Variants in DNAH10 observed in about 807,000 individuals in gnomAD.
The protein encoded by DNAH10 is axonemal beta dynein heavy chain 10.
In DNAH10, 348 loss-of-function variants were observed where a neutral mutation model predicts 506.6. That is an observed-to-expected ratio of 0.69 (90% CI 0.63 to 0.75). The LOEUF is 0.75. Ranked by LOEUF, DNAH10 falls within the 30% of genes least tolerant of loss-of-function variation. DNAH10 has a pLI of 0.00. For synonymous variants in DNAH10, 2,059 were observed against 2,198.6 expected (o/e 0.94, Z 1.78); for missense variants, 5,179 against 5,787.1 (o/e 0.89, Z 3.41).
chr12:123,896,513 A>G (rs1953252270), intron 54 of DNAH10, among the ~76,000 whole-genome samples: 1 of 152,160 alleles, frequency 6.6e-6, no homozygotes, highest in African/African-American at 2.4e-5. Context: ...CTTTGCCGAT[A>G]TGTGCTGGGT....
chr12:123,813,903 T>C lies in DNAH10; in HGVS notation c.3771T>C (p.Tyr1257=). ...VQERYRTMAM[Y]NLFPPDAEKE... Reference sequence around the variant, plus strand: ...AGCGATACCGTACCATGGCAATGTATAACCTCTTTGTAAGTCAACTTGTAT... The same window carrying C: ...AGCGATACCGTACCATGGCAATGTACAACCTCTTTGTAAGTCAACTTGTAT... Residue 1257 remains tyrosine, a synonymous_variant, in exon 21 of 79, where the codon TAT becomes TAC. Transcript: ENST00000673944. The C allele has an allele frequency of 6.3e-7, 1 of 1,583,610 alleles. No individual in the cohort carries two copies. Among genetic ancestry groups the C allele is most frequent in the Non-Finnish European group, 8.5e-7 (1 of 1,171,418 alleles).
rs1955069017 is a variant in DNAH10 at position 123,928,870 on chromosome 12, A to AG, written c.12306+283_12306+284insG. 4.8e-6 allele frequency: 2 copies of AG among 418,366 alleles called. No homozygotes were observed. The highest frequency in any genetic ancestry group is 4.1e-6 in the Non-Finnish European group (1 of 242,294). The allele number at this position is 418,366 out of a possible 1,614,324, so 25.9% of individuals were successfully genotyped here. On this transcript the variant is annotated intron_variant, in intron 70 of 78. Coordinates refer to ENST00000673944, the MANE Select transcript of DNAH10 (RefSeq NM_001372106.1). The surrounding 1 kb of genome is among the most constrained non-coding windows in gnomAD (Gnocchi z 4.9). Reference sequence around the variant, plus strand: ...TAAACTTCACGGCCCCCCCCCCCACACACAGCCTGCAGTTCGCTAGTGCTG... The same window carrying AG: ...TAAACTTCACGGCCCCCCCCCCCACAGCACAGCCTGCAGTTCGCTAGTGCTG...
In DNAH10 at chr12:123,917,254, G is replaced by A. The variant is rs1038110555; in HGVS notation, c.11003-330G>A. On this transcript the variant is annotated intron_variant, in intron 63 of 78. Coordinates refer to ENST00000673944, the MANE Select transcript of DNAH10 (RefSeq NM_001372106.1). This position sits in a 1 kb window ranked among gnomAD's most constrained non-coding sequence, Gnocchi z 5.6. ...ACTTCTGGGCTCAAGTGATCCTCCT[G>A]CCTCTGCCTCCCAAAGTGCTGGGAT... Among the ~76,000 whole-genome samples the A allele has an allele frequency of 6.6e-6, 1 of 152,064 alleles. No individual in the cohort carries two copies. The highest frequency in any genetic ancestry group is 1.5e-5 in the Non-Finnish European group (1 of 68,034).
At chr12:123,766,887 T>G (rs1957065702) in intron 1 of DNAH10, among the ~76,000 whole-genome samples, 1 of 149,668 alleles carries the variant, frequency 6.7e-6, no homozygotes, top group Non-Finnish European at 1.5e-5. Context: ...CCCTTCAGTT[T>G]TTTCTTTTCT....
intron 65 of DNAH10, among the ~76,000 whole-genome samples, chr12:123,921,126 C>T (rs1266828268): frequency 2.0e-5 from 3 of 152,098 alleles, no homozygotes; most frequent in Non-Finnish European, 2.9e-5. Context: ...GGTTGTTTCC[C>T]GTCGTCTGAA....
chr12:123,886,478 C>T (rs985624941), intron 51 of DNAH10, among the ~76,000 whole-genome samples: 2 of 136,228 alleles, frequency 1.5e-5, no homozygotes, highest in Non-Finnish European at 3.3e-5. Flanking sequence ...TGCGCGCGCG[C>T]GCGTGTGTGT....
At chr12:123,779,131 C>T (rs182664832) in intron 5 of DNAH10, among the ~76,000 whole-genome samples, 67 of 152,224 alleles carry the variant, frequency 4.4e-4, no homozygotes, top group African/African-American at 1.5e-3. Context: ...TCTCGATCTC[C>T]TGACCTCGCG....
intron 57 of DNAH10, among the ~76,000 whole-genome samples, chr12:123,906,411 T>G (rs1196163868): frequency 6.6e-6 from 1 of 151,904 alleles, no homozygotes; most frequent in African/African-American, 2.4e-5. Flanking sequence ...CCGGCTAATG[T>G]TTGTATTTTT....
At chr12:123,794,432 C>A (rs1958199761) in intron 12 of DNAH10, among the ~76,000 whole-genome samples, 1 of 152,148 alleles carries the variant, frequency 6.6e-6, no homozygotes, top group Non-Finnish European at 1.5e-5. Context: ...TAACTCAGAA[C>A]AATTTATCTG....
Position 123,875,507 on chromosome 12 carries a change from C to A in DNAH10, c.8199+16C>A, listed in dbSNP as rs1252786310. On this transcript the variant is annotated intron_variant, in intron 47 of 78. Transcript: ENST00000673944. ...CCACACCTCGGTAACTTGATTTTAA[C>A]TAGAAGTCTAAACCGGAAGACCTTG... 9.9e-6 allele frequency: 16 copies of A among 1,612,632 alleles called. No individual in the cohort carries two copies. Among genetic ancestry groups the A allele is most frequent in the Non-Finnish European group, 1.3e-5 (15 of 1,178,938 alleles).
At chr12:123,874,260 C>T (rs973286597) in intron 46 of DNAH10, among the ~76,000 whole-genome samples, 32 of 125,114 alleles carry the variant, frequency 2.6e-4, no homozygotes, top group Middle Eastern at 3.9e-3. Flanking sequence ...AGCCAGAGTC[C>T]GTCCGTCCAT....
intron 57 of DNAH10, chr12:123,908,351 G>A: frequency 2.2e-6 from 1 of 455,962 alleles, no homozygotes; most frequent in South Asian, 1.5e-5. Flanking sequence ...TCCTACCAGA[G>A]CACAAATGCC....
intron 9 of DNAH10, among the ~76,000 whole-genome samples, chr12:123,786,671 A>ATT (rs1957865121): frequency 6.7e-6 from 1 of 150,092 alleles, no homozygotes; most frequent in African/African-American, 2.5e-5. Context: ...AGATACATAT[A>ATT]TGTGTGTGTG....
Position 123,850,200 on chromosome 12 carries a change from C to A in DNAH10, c.6103-688C>A, listed in dbSNP as rs1317228002. Among the ~76,000 whole-genome samples the A allele has an allele frequency of 1.3e-5, 2 of 151,758 alleles. No individual in the cohort carries two copies. The highest frequency in any genetic ancestry group is 4.9e-5 in the African/African-American group (2 of 41,224). ...CCTAACAACAAAAATTTTCTGTCCT[C>A]TGCCTGGCTGGTGGACAATCAAAAA... On this transcript the variant is annotated intron_variant, in intron 34 of 78. Coordinates refer to ENST00000673944, the MANE Select transcript of DNAH10 (RefSeq NM_001372106.1). This position sits in a 1 kb window ranked among gnomAD's most constrained non-coding sequence, Gnocchi z 5.5.
intron 21 of DNAH10, among the ~76,000 whole-genome samples, chr12:123,814,684 G>T (rs546697722): frequency 1.4e-5 from 2 of 143,804 alleles, no homozygotes; most frequent in African/African-American, 5.3e-5. Context: ...GCATGATCTC[G>T]GCTCACTGCA....
chr12:123,787,668 C>A lies in DNAH10; in HGVS notation c.1422-136C>A. 1 of 1,053,732 alleles carries A rather than the reference C, an allele frequency of 9.5e-7. No homozygotes were observed. Among genetic ancestry groups the A allele is most frequent in the Non-Finnish European group, 1.4e-6 (1 of 723,806 alleles). 65.3% of individuals were successfully genotyped at this position (1,053,732 alleles called of 1,614,324 possible). A position where few individuals can be genotyped will look rare whatever the true frequency, so the allele number is the denominator to read the frequency against. Reference sequence around the variant, plus strand: ...CAGGGCAGCCGCTTGCCCGCTCTGCCTTTTCCGATGAGGCCGTGAAACCAG... The same window carrying A: ...CAGGGCAGCCGCTTGCCCGCTCTGCATTTTCCGATGAGGCCGTGAAACCAG... On this transcript the variant is annotated intron_variant, in intron 9 of 78. Coordinates refer to ENST00000673944, the MANE Select transcript of DNAH10 (RefSeq NM_001372106.1). The surrounding 1 kb of genome is among the most constrained non-coding windows in gnomAD (Gnocchi z 4.6).
At chr12:123,800,413 A>G in intron 15 of DNAH10, 25 bp downstream of exon 15, 1 of 1,605,762 alleles carries the variant, frequency 6.2e-7, no homozygotes, top group Non-Finnish European at 8.5e-7. Flanking sequence ...CTTTTAAATT[A>G]GCAGTAAGCT....
Position 123,877,786 on chromosome 12 carries a change from G to T in DNAH10, c.8250G>T (p.Thr2750=), listed in dbSNP as rs538616792. The change falls in exon 48 of 79, where the codon ACG becomes ACT. Residue 2750 remains threonine, a synonymous_variant. Coordinates refer to ENST00000673944, the MANE Select transcript of DNAH10 (RefSeq NM_001372106.1). Reference sequence around the variant, plus strand: ...TGAGTGGCAAGCTGACATTCTGCACGCTAGCACTTTACAAAAATATTGTGC... The same window carrying T: ...TGAGTGGCAAGCTGACATTCTGCACTCTAGCACTTTACAAAAATATTGTGC... ...VAVSGKLTFC[T]LALYKNIVQD... is the part of the protein sequence containing the mutation. The T allele has an allele frequency of 3.7e-6, 6 of 1,613,882 alleles. No homozygotes were observed. In the African/African-American group the frequency reaches 5.3e-5, roughly 14 times the overall value.
At chr12:123,819,779 A>G (rs1046067315) in intron 23 of DNAH10, among the ~76,000 whole-genome samples, 19 of 140,258 alleles carry the variant, frequency 1.4e-4, no homozygotes, top group African/African-American at 4.9e-4. Flanking sequence ...ATCTCAGCTC[A>G]CCGCAACCTC....
Sources: gnomAD v4.1 joint callset for allele counts (sites outside exome capture counted in the v4.1 genomes callset) on GRCh38, gnomAD v4.1.1 for gene constraint, Gnocchi (gnomAD v3.1) non-coding constraint, MANE v1.5 for transcripts, NCBI Gene and HGNC (gene_info 2026-07-23, HGNC 2026-07-21) for gene names.